The following RRM1 variants were observed in gnomAD, a reference collection of about 807,000 sequenced individuals.
RRM1 encodes ribonucleotide reductase catalytic subunit M1.
Under a neutral mutation model 101.5 loss-of-function variants are expected in RRM1, and 19 were observed. The observed-to-expected ratio is 0.19, with a 90% CI of 0.13 to 0.27. The LOEUF is 0.27. Ranked by LOEUF, RRM1 falls within the 10% of genes least tolerant of loss-of-function variation. The pLI is 1.00. For synonymous variants in RRM1, 298 were observed against 323.4 expected (o/e 0.92, Z 0.84); for missense variants, 500 against 962.9 (o/e 0.52, Z 6.36).
rs891672353 is a variant in RRM1 at position 4,125,865 on chromosome 11, CAT to C, written c.1321-818_1321-817del. On this transcript the variant is annotated intron_variant, in intron 12 of 18. Coordinates refer to ENST00000300738, the MANE Select transcript of RRM1 (RefSeq NM_001033.5). ...ATTTAAAAAAATGGGTATTTGGCAACATGTGTAGAATGGAGTAGATGTGAAGG... is the reference window on the plus strand; with the variant it reads ...ATTTAAAAAAATGGGTATTTGGCAACGTGTAGAATGGAGTAGATGTGAAGG... 5.9e-5 allele frequency among the ~76,000 whole-genome samples: 9 copies of C among 152,270 alleles called. No homozygotes were observed. In the East Asian group the frequency reaches 9.6e-4, roughly 16 times the overall value.
intron 14 of RRM1, 86 bp from the exon 15 acceptor site, chr11:4,128,988 T>C: frequency 1.4e-6 from 1 of 699,008 alleles, no homozygotes; most frequent in South Asian, 1.9e-5. Flanking sequence ...TGTGGGGACA[T>C]GGCAGCTAGT....
At chr11:4,123,125 T>C (rs2094584231) in intron 11 of RRM1, 58 bp from the exon 12 acceptor site, 2 of 1,303,430 alleles carry the variant, frequency 1.5e-6, no homozygotes, top group Non-Finnish European at 2.1e-6. Context: ...CTTCAAGTTG[T>C]CTACAATAAA....
chr11:4,133,445 C>T, intron 16 of RRM1, 118 bp from the exon 17 acceptor site: 4 of 570,674 alleles, frequency 7.0e-6, no homozygotes, highest in Non-Finnish European at 1.2e-5. Flanking sequence ...TAGAATTTAC[C>T]AAGCAATCTA....
intron 15 of RRM1, among the ~76,000 whole-genome samples, chr11:4,131,779 A>G (rs1451134591): frequency 6.6e-6 from 1 of 152,204 alleles, no homozygotes; most frequent in Non-Finnish European, 1.5e-5. Context: ...TCTTTACAGG[A>G]TAATGGAGAA....
At position 4,094,903 on chromosome 11, in the gene RRM1, A is replaced by T; in HGVS notation, c.-110A>T. ...GCTCCAACTCCAGTTCTTTCCCCTGAGCAGCGCCTGGAACCTAACCCTTCC... is the reference window on the plus strand; with the variant it reads ...GCTCCAACTCCAGTTCTTTCCCCTGTGCAGCGCCTGGAACCTAACCCTTCC... On this transcript the variant is annotated 5_prime_UTR_variant, in exon 1 of 19. Transcript: ENST00000300738. 1.7e-6 allele frequency: 2 copies of T among 1,169,524 alleles called. No homozygotes were observed. The highest frequency in any genetic ancestry group is 2.5e-6 in the Non-Finnish European group (2 of 799,616). The allele number at this position is 1,169,524 out of a possible 1,614,324, so 72.4% of individuals were successfully genotyped here.
In RRM1 at chr11:4,129,275, G is replaced by C. The variant is rs746499435; in HGVS notation, c.1769+125G>C. On this transcript the variant is annotated intron_variant, in intron 15 of 18. Transcript: ENST00000300738. ...ATTTATTACAAATGGGGCTAAAATGGCCTATCTCACAAAACTATTTTGGGA... is the reference window on the plus strand; with the variant it reads ...ATTTATTACAAATGGGGCTAAAATGCCCTATCTCACAAAACTATTTTGGGA... 3 of 544,240 alleles carry C rather than the reference G, an allele frequency of 5.5e-6. No homozygotes were observed. The Admixed American group carries it at 1.1e-4, about 20-fold the overall frequency. 33.7% of individuals were successfully genotyped at this position (544,240 alleles called of 1,614,324 possible).
intron 10 of RRM1, 124 bp downstream of exon 10, chr11:4,121,889 CAAGTT>C (rs1367916654): frequency 5.5e-6 from 5 of 907,926 alleles, no homozygotes; most frequent in Non-Finnish European, 8.4e-6. Context: ...GCATTCTGAA[CAAGTT>C]AAGAGATGCC....
intron 7 of RRM1, among the ~76,000 whole-genome samples, chr11:4,112,765 A>G (rs2094567402): frequency 6.6e-6 from 1 of 152,184 alleles, no homozygotes; most frequent in Non-Finnish European, 1.5e-5. Context: ...GGTAGTCTAG[A>G]TTAGGGAGGT....
chr11:4,120,657 C>T (rs576762953), intron 9 of RRM1, among the ~76,000 whole-genome samples: 4 of 152,324 alleles, frequency 2.6e-5, no homozygotes, highest in African/African-American at 7.2e-5. Flanking sequence ...TTAGCCACTG[C>T]ACCTCGCCTA....
intron 9 of RRM1, 71 bp downstream of exon 9, chr11:4,119,999 T>C: frequency 1.1e-6 from 1 of 881,160 alleles, no homozygotes; most frequent in South Asian, 1.4e-5. Flanking sequence ...CTTAAGATGG[T>C]TCATTTATGT....
chr11:4,126,989 G>C (rs760535913), intron 13 of RRM1, 46 bp from the exon 14 acceptor site: 2 of 1,537,014 alleles, frequency 1.3e-6, no homozygotes, highest in Admixed American at 3.8e-5. Flanking sequence ...TGCTTTTCCT[G>C]TTCAGTAATG....
Position 4,138,923 on chromosome 11 carries a change from T to A in RRM1, c.*540T>A, listed in dbSNP as rs2094619687. The stretch of plus-strand genomic sequence containing the variant: ...ATTTACTTTCATATAAAAGTCAAAT[T>A]TGAAAAACACATTTTCTGTTCTTTG... On this transcript the variant is annotated 3_prime_UTR_variant, in exon 19 of 19. Transcript: ENST00000300738. 1.1e-5 allele frequency: 2 copies of A among 176,530 alleles called. No homozygotes were observed. The highest frequency in any genetic ancestry group is 6.3e-5 in the Admixed American group (1 of 15,822). The allele number at this position is 176,530 out of a possible 1,614,324, so 10.9% of individuals were successfully genotyped here. A position where few individuals can be genotyped will look rare whatever the true frequency, so the allele number is the denominator to read the frequency against.
chr11:4,136,285 G>A (rs190176667), intron 18 of RRM1, among the ~76,000 whole-genome samples: 90 of 152,014 alleles, frequency 5.9e-4, no homozygotes, highest in African/African-American at 2.1e-3. Flanking sequence ...ACAGCGGCAT[G>A]ATCTTGGCTC....
chr11:4,112,706 G>A (rs1224514538), intron 7 of RRM1, among the ~76,000 whole-genome samples: 1 of 152,166 alleles, frequency 6.6e-6, no homozygotes, highest in Non-Finnish European at 1.5e-5. Context: ...GAAGGTAAGT[G>A]CCAAGAACTA....
chr11:4,095,089 C>T lies in RRM1; in HGVS notation c.19+58C>T, dbSNP rs535122599. The T allele has an allele frequency of 3.9e-6, 6 of 1,540,070 alleles. No homozygotes were observed. The African/African-American group carries it at 6.9e-5, about 18-fold the overall frequency. On this transcript the variant is annotated intron_variant, in intron 1 of 18. Transcript: ENST00000300738. ...GTGAGGGGATGCGGGCTGCCGCCGCCGGAGCTGATGCCCAGACCGCCCGCC... is the reference window on the plus strand; with the variant it reads ...GTGAGGGGATGCGGGCTGCCGCCGCTGGAGCTGATGCCCAGACCGCCCGCC...
intron 18 of RRM1, 37 bp downstream of exon 18, chr11:4,135,307 C>T (rs369214709): frequency 1.6e-4 from 229 of 1,455,882 alleles, no homozygotes; most frequent in Non-Finnish European, 2.1e-4. Context: ...TAATTGCCAG[C>T]TTGAGATATT....
intron 7 of RRM1, among the ~76,000 whole-genome samples, chr11:4,112,901 A>C (rs1287563134): frequency 6.6e-6 from 1 of 152,174 alleles, no homozygotes; most frequent in African/African-American, 2.4e-5. Flanking sequence ...CAGAAGTTCA[A>C]GGCTGCCGTG....
chr11:4,127,050 A>G lies in RRM1; in HGVS notation c.1486A>G (p.Lys496Glu). 3 of 1,608,496 alleles carry G rather than the reference A, an allele frequency of 1.9e-6. No homozygotes were observed. Among genetic ancestry groups the G allele is most frequent in the Non-Finnish European group, 2.5e-6 (3 of 1,178,600 alleles). The change falls in exon 14 of 19, where the codon AAA (lysine) becomes GAA (glutamate). Residue 496 changes from lysine to glutamate, a missense_variant. Lys to Glu is a moderately conservative substitution (Grantham distance 56). This residue lies in a region of RRM1 where 106 missense variants were observed against 138.1 expected (regional missense o/e 0.77). Transcript: ENST00000300738. ...YPVPEACLSN[K>E]RHRPIGIGVQ... The stretch of plus-strand genomic sequence containing the variant: ...TGACACAAAGGCATGCCTATCAAAT[A>G]AACGCCATCGCCCCATTGGAATTGG...
intron 1 of RRM1, among the ~76,000 whole-genome samples, chr11:4,099,800 T>C (rs963523926): frequency 1.3e-5 from 2 of 152,076 alleles, no homozygotes; most frequent in African/African-American, 4.8e-5. Flanking sequence ...CTGTGTGTCA[T>C]TGGACCTTTA....
Sources: allele counts gnomAD v4.1 joint callset (sites outside exome capture counted in the v4.1 genomes callset), GRCh38; gene constraint gnomAD v4.1.1; regional missense constraint gnomAD v4.1.1; transcripts MANE v1.5; gene names NCBI Gene and HGNC (gene_info 2026-07-23, HGNC 2026-07-21).